B3GLCT: variants seen among roughly 807,000 people sequenced by gnomAD.
The protein encoded by B3GLCT is beta 3-glucosyltransferase.
B3GLCT carries 65 observed loss-of-function variants against 63.4 expected under a neutral mutation model. That is an observed-to-expected ratio of 1.03 (90% CI 0.84 to 1.26). The LOEUF (loss-of-function observed/expected upper bound fraction) is 1.26. B3GLCT is among the 50% of genes most tolerant of loss of function. The probability of loss-of-function intolerance (pLI) is 0.00; values close to 1 mark genes in which losing one functional copy is unlikely to be tolerated. For synonymous variants in B3GLCT, 233 were observed against 219.2 expected (o/e 1.06, Z -0.55); for missense variants, 577 against 604.8 (o/e 0.95, Z 0.48).
intron 1 of B3GLCT, among the ~76,000 whole-genome samples, chr13:31,203,154 G>T (rs1030332589): frequency 1.3e-5 from 2 of 152,184 alleles, no homozygotes; most frequent in African/African-American, 4.8e-5. Flanking sequence ...GCCAGGTCTT[G>T]CCCAGATTCC....
At chr13:31,278,490 G>T (rs568731712) in intron 10 of B3GLCT, among the ~76,000 whole-genome samples, 1 of 152,146 alleles carries the variant, frequency 6.6e-6, no homozygotes, top group East Asian at 1.9e-4. Context: ...ATTTACTGCT[G>T]TTAATTTGAA....
At chr13:31,270,533 T>C (rs1872534221) in intron 8 of B3GLCT, among the ~76,000 whole-genome samples, 1 of 152,186 alleles carries the variant, frequency 6.6e-6, no homozygotes, top group South Asian at 2.1e-4. Context: ...CAAAATAATA[T>C]TTCTAACATA....
chr13:31,310,543 C>T (rs1593313235), intron 12 of B3GLCT, among the ~76,000 whole-genome samples: 1 of 152,190 alleles, frequency 6.6e-6, no homozygotes, highest in South Asian at 2.1e-4. Context: ...GTAATCCTCC[C>T]ACCCTTTGCT....
chr13:31,206,743 C>CA (rs1176316272), intron 1 of B3GLCT, among the ~76,000 whole-genome samples: 25 of 149,802 alleles, frequency 1.7e-4, no homozygotes, highest in African/African-American at 2.2e-4. Context: ...TCTCAGAAAA[C>CA]AAAAAAAAAC....
At chr13:31,200,331 G>C (rs1019225776) in intron 1 of B3GLCT, among the ~76,000 whole-genome samples, 177 bp downstream of exon 1, 2 of 148,596 alleles carry the variant, frequency 1.3e-5, no homozygotes, top group Non-Finnish European at 3.0e-5. Flanking sequence ...CCCTCTCGCG[G>C]CGCCCAGGTG....
chr13:31,275,366 A>C (rs1417272313), intron 9 of B3GLCT, among the ~76,000 whole-genome samples: 1 of 152,188 alleles, frequency 6.6e-6, no homozygotes, highest in Non-Finnish European at 1.5e-5. Flanking sequence ...TTTACTCCAG[A>C]GCCTTTGTGA....
intron 8 of B3GLCT, among the ~76,000 whole-genome samples, chr13:31,272,922 A>G (rs540634355): frequency 1.3e-5 from 2 of 152,200 alleles, no homozygotes; most frequent in South Asian, 4.2e-4. Flanking sequence ...CCTGAAGTGT[A>G]TATCCTTTAG....
chr13:31,300,810 T>A (rs139059984), intron 12 of B3GLCT, among the ~76,000 whole-genome samples: 41 of 152,318 alleles, frequency 2.7e-4, no homozygotes, highest in African/African-American at 9.9e-4. Context: ...TCCACATGAT[T>A]CTTGAGCAGT....
At chr13:31,205,957 C>T (rs1868928648) in intron 1 of B3GLCT, among the ~76,000 whole-genome samples, 1 of 152,164 alleles carries the variant, frequency 6.6e-6, no homozygotes, top group African/African-American at 2.4e-5. Context: ...GACTTATTTT[C>T]ACTCCTAAAA....
At chr13:31,206,715 C>T (rs907843267) in intron 1 of B3GLCT, among the ~76,000 whole-genome samples, 3 of 151,690 alleles carry the variant, frequency 2.0e-5, no homozygotes, top group East Asian at 1.9e-4. Context: ...CCAGCCCGGG[C>T]GACAGTGCGA....
intron 7 of B3GLCT, 70 bp downstream of exon 7, chr13:31,261,152 G>A: frequency 1.3e-6 from 2 of 1,517,976 alleles, no homozygotes; most frequent in South Asian, 2.3e-5. Flanking sequence ...ATTGAGTACT[G>A]TAACTGATGG....
chr13:31,220,089 A>C (rs1046042298), intron 2 of B3GLCT, among the ~76,000 whole-genome samples: 2 of 152,300 alleles, frequency 1.3e-5, no homozygotes, highest in East Asian at 1.9e-4. Flanking sequence ...GGGCCGACTG[A>C]GTGTAATCAT....
rs150939973 is a variant in B3GLCT at position 31,320,165 on chromosome 13, G to C, written c.1184+2480G>C. Among the ~76,000 whole-genome samples the C allele has an allele frequency of 5.5e-3, 837 of 152,304 alleles. 12 individuals carry two copies. Among genetic ancestry groups the C allele is most frequent in the African/African-American group, 0.019 (804 of 41,556 alleles). On this transcript the variant is annotated intron_variant, in intron 13 of 14. Coordinates refer to ENST00000343307, the MANE Select transcript of B3GLCT (RefSeq NM_194318.4). ...CCTTTCTAAAAGCAGATCTGGTCCT[G>C]TCTCCCCTCTGCTCAGAGGCCCTCA...
intron 13 of B3GLCT, among the ~76,000 whole-genome samples, chr13:31,319,580 G>T (rs991901220): frequency 6.6e-6 from 1 of 151,952 alleles, no homozygotes; most frequent in Non-Finnish European, 1.5e-5. Context: ...CTTCTTTCTG[G>T]TCATTCCTTC....
chr13:31,223,128 C>G (rs987724738), intron 3 of B3GLCT, 137 bp downstream of exon 3: 3 of 665,218 alleles, frequency 4.5e-6, no homozygotes, highest in East Asian at 2.8e-5. Flanking sequence ...TTTGGCCCAG[C>G]CTAACGTTTG....
intron 8 of B3GLCT, among the ~76,000 whole-genome samples, chr13:31,272,910 C>T (rs1253007816): frequency 1.3e-5 from 2 of 152,052 alleles, no homozygotes; most frequent in African/African-American, 4.8e-5. Flanking sequence ...CTTTTTATTC[C>T]TCCTGAAGTG....
At chr13:31,269,343 G>T (rs1370118840) in intron 8 of B3GLCT, 66 bp downstream of exon 8, 1 of 1,220,340 alleles carries the variant, frequency 8.2e-7, no homozygotes, top group African/African-American at 1.5e-5. Context: ...GATGTAAAAG[G>T]TATTTTGCAT....
chr13:31,284,779 C>A lies in B3GLCT; in HGVS notation c.964+18C>A. On this transcript the variant is annotated intron_variant, in intron 11 of 14. Coordinates refer to ENST00000343307, the MANE Select transcript of B3GLCT (RefSeq NM_194318.4). ...AGATAGAGGTGAGTCATAATTCTTACTACTCTCCTTATTAAACATTGCCAT... is the reference window on the plus strand; with the variant it reads ...AGATAGAGGTGAGTCATAATTCTTAATACTCTCCTTATTAAACATTGCCAT... 1 of 1,243,652 alleles carries A rather than the reference C, an allele frequency of 8.0e-7. No individual in the cohort carries two copies. Among genetic ancestry groups the A allele is most frequent in the Non-Finnish European group, 1.2e-6 (1 of 842,252 alleles). 77.0% of individuals were successfully genotyped at this position (1,243,652 alleles called of 1,614,324 possible).
At chr13:31,201,050 A>G (rs1412671595) in intron 1 of B3GLCT, among the ~76,000 whole-genome samples, 4 of 148,268 alleles carry the variant, frequency 2.7e-5, no homozygotes, top group Non-Finnish European at 5.9e-5. Context: ...GACTTTCATG[A>G]TCAGATTTGT....
Sources: gnomAD v4.1 joint callset for allele counts (sites outside exome capture counted in the v4.1 genomes callset) on GRCh38, gnomAD v4.1.1 for gene constraint, MANE v1.5 for transcripts, NCBI Gene and HGNC (gene_info 2026-07-23, HGNC 2026-07-21) for gene names.